TENM2: variants seen among roughly 807,000 people sequenced by gnomAD.
TENM2 encodes the protein teneurin-2.
TENM2 carries 52 observed loss-of-function variants against 245.2 expected under a neutral mutation model. That is an observed-to-expected ratio of 0.21 (90% confidence interval 0.17 to 0.27). The LOEUF (loss-of-function observed/expected upper bound fraction) is 0.27, where lower values mean the gene tolerates loss of function less well. Ranked by LOEUF, TENM2 falls within the 10% of genes least tolerant of loss-of-function variation. The probability of loss-of-function intolerance (pLI) is 1.00; values close to 1 mark genes in which losing one functional copy is unlikely to be tolerated. For synonymous variants in TENM2, 1,363 were observed against 1,438.9 expected, an observed-to-expected ratio of 0.95 and a Z score of 1.19; for missense variants, 3,046 against 3,666.8, an observed-to-expected ratio of 0.83 and a Z score of 4.37.
chr5:167,719,084 T>G (rs1759450999), intron 2 of TENM2, among the ~76,000 whole-genome samples: 1 of 152,222 alleles, frequency 6.6e-6, no homozygotes, highest in Non-Finnish European at 1.5e-5. Flanking sequence ...TCTGCATTTA[T>G]ATGCAAATAA....
chr5:167,656,042 A>C (rs931318018), intron 2 of TENM2, among the ~76,000 whole-genome samples: 15 of 152,222 alleles, frequency 9.9e-5, no homozygotes, highest in African/African-American at 3.6e-4. Flanking sequence ...TATACAGCTA[A>C]TCCTGAAAGA....
chr5:168,200,222 C>G, intron 17 of TENM2, 91 bp downstream of exon 19: 1 of 1,224,748 alleles, frequency 8.2e-7, no homozygotes, highest in Non-Finnish European at 1.1e-6. Context: ...ATATGCCAAG[C>G]ACCATTTCAG....
At chr5:167,782,353 A>G (rs972888439) in intron 2 of TENM2, among the ~76,000 whole-genome samples, 1 of 151,618 alleles carries the variant, frequency 6.6e-6, no homozygotes, top group East Asian at 1.9e-4. Flanking sequence ...AAAAGAAAAT[A>G]AAAGTTGGCT....
At chr5:167,534,691 G>A (rs1054177938) in intron 2 of TENM2, among the ~76,000 whole-genome samples, 1 of 152,112 alleles carries the variant, frequency 6.6e-6, no homozygotes, top group Non-Finnish European at 1.5e-5. Context: ...AATTAATTTG[G>A]TGTGCGGGAT....
chr5:167,374,461 C>A (rs34287204), intron 1 of TENM2, among the ~76,000 whole-genome samples: 1 of 151,986 alleles, frequency 6.6e-6, no homozygotes, highest in Non-Finnish European at 1.5e-5. Flanking sequence ...TTATTAAAAA[C>A]GACTAGTTTG....
At chr5:167,535,102 T>C (rs990323693) in intron 2 of TENM2, among the ~76,000 whole-genome samples, 22 of 152,144 alleles carry the variant, frequency 1.4e-4, no homozygotes, top group African/African-American at 5.3e-4. Context: ...TCTCCTTTTC[T>C]GCTTGTACCT....
At chr5:167,182,575 AT>A in the TENM2 span, among the ~76,000 whole-genome samples, 1 of 152,152 alleles carries the variant, frequency 6.6e-6, no homozygotes, top group East Asian at 1.9e-4. Context: ...ACATTAGAAA[AT>A]GTCTACATTC....
At chr5:167,246,450 A>G in the TENM2 span, among the ~76,000 whole-genome samples, 3 of 151,976 alleles carry the variant, frequency 2.0e-5, no homozygotes, top group Admixed American at 2.0e-4. Context: ...GTATATGTAT[A>G]TAAATATGAA....
At chr5:167,101,861 A>ATATATATATATATATATATATC in the TENM2 span, among the ~76,000 whole-genome samples, 1 of 122,940 alleles carries the variant, frequency 8.1e-6, no homozygotes, top group Admixed American at 8.9e-5. Context: ...ATATATATAT[A>ATATATATATATATATATATATC]TATATATATA....
intron 2 of TENM2, among the ~76,000 whole-genome samples, chr5:167,835,291 T>C (rs1015177800): frequency 1.3e-5 from 2 of 152,238 alleles, no homozygotes; most frequent in African/African-American, 4.8e-5. Context: ...CATTTATCTT[T>C]GCTTCAGTCT....
chr5:167,331,931 A>G (rs896417403), intron 1 of TENM2, among the ~76,000 whole-genome samples: 2 of 152,086 alleles, frequency 1.3e-5, no homozygotes, highest in Admixed American at 6.6e-5. Flanking sequence ...AAAATGCAGT[A>G]AAAAAATCAA....
At chr5:167,948,167 G>C (rs1002780796) in intron 3 of TENM2, among the ~76,000 whole-genome samples, 1 of 152,208 alleles carries the variant, frequency 6.6e-6, no homozygotes, top group African/African-American at 2.4e-5. Context: ...AACTCTAATG[G>C]AGTCAACACA....
intron 2 of TENM2, among the ~76,000 whole-genome samples, chr5:167,658,189 A>G (rs1450496912): frequency 1.3e-5 from 2 of 151,572 alleles, no homozygotes. Flanking sequence ...GATGGCAGAA[A>G]GGCCAAATGC....
intron 20 of TENM2, among the ~76,000 whole-genome samples, chr5:168,213,452 T>C (rs1256876475): frequency 6.6e-6 from 1 of 152,156 alleles, no homozygotes; most frequent in African/African-American, 2.4e-5. Context: ...GACAAATGCA[T>C]CCAATGCTGT....
intron 2 of TENM2, among the ~76,000 whole-genome samples, chr5:167,700,870 T>C (rs1758093486): frequency 6.9e-6 from 1 of 145,294 alleles, no homozygotes; most frequent in Non-Finnish European, 1.5e-5. Context: ...CCTTTTAGTA[T>C]AACGTGCACT....
chr5:167,340,367 C>G (rs561892786), intron 1 of TENM2, among the ~76,000 whole-genome samples: 100 of 152,272 alleles, frequency 6.6e-4, no homozygotes, highest in African/African-American at 2.3e-3. Context: ...ATCACAGATT[C>G]GATGGCTTAA....
intron 7 of TENM2, among the ~76,000 whole-genome samples, chr5:168,075,805 T>A (rs1363330714): frequency 6.6e-6 from 1 of 152,158 alleles, no homozygotes; most frequent in African/African-American, 2.4e-5. Flanking sequence ...GGCCTCACAA[T>A]CATGGCAGAA....
chr5:167,763,520 G>C (rs1005450493), intron 2 of TENM2, among the ~76,000 whole-genome samples: 1 of 152,066 alleles, frequency 6.6e-6, no homozygotes, highest in Non-Finnish European at 1.5e-5. Flanking sequence ...CTGGTGGGGC[G>C]GGGAATAGAA....
intron 2 of TENM2, among the ~76,000 whole-genome samples, chr5:167,856,387 C>G (rs1020894959): frequency 3.3e-5 from 5 of 152,164 alleles, no homozygotes; most frequent in African/African-American, 1.2e-4. Flanking sequence ...GTTATAGACT[C>G]ATTTAGCTCT....
Sources: allele counts gnomAD v4.1 joint callset (sites outside exome capture counted in the v4.1 genomes callset), GRCh38; gene constraint gnomAD v4.1.1; transcripts MANE v1.5; gene names NCBI Gene and HGNC (gene_info 2026-07-23, HGNC 2026-07-21).